TMC1: variants seen among roughly 807,000 people sequenced by gnomAD.
TMC1 encodes the protein transmembrane channel like 1.
A neutral mutation model predicts 105.8 loss-of-function variants in TMC1; 84 were observed. The ratio of observed to expected loss-of-function variants is 0.79; its 90% CI spans 0.67 to 0.95. The LOEUF (loss-of-function observed/expected upper bound fraction) is 0.95. Ranked by LOEUF, TMC1 falls within the 40% of genes least tolerant of loss-of-function variation. The pLI is 0.00. For missense variants in TMC1, 817 were observed against 914.1 expected, an observed-to-expected ratio of 0.89 and a Z score of 1.37; for synonymous variants, 315 against 311.5, an observed-to-expected ratio of 1.01 and a Z score of -0.12.
intron 2 of TMC1, among the ~76,000 whole-genome samples, chr9:72,592,605 G>T (rs960713035): frequency 9.9e-5 from 15 of 152,178 alleles, no homozygotes; most frequent in Admixed American, 5.9e-4. Context: ...AGGTGTGCGT[G>T]TTTCCTTCTG....
intron 20 of TMC1, among the ~76,000 whole-genome samples, chr9:72,821,292 G>A (rs1362125893): frequency 3.3e-5 from 5 of 151,992 alleles, no homozygotes; most frequent in South Asian, 4.2e-4. Flanking sequence ...TCAGGAGTTC[G>A]AGACAAGCCT....
chr9:72,672,297 GTGA>G (rs1564481678), intron 5 of TMC1, among the ~76,000 whole-genome samples: 1 of 90,158 alleles, frequency 1.1e-5, no homozygotes, highest in Non-Finnish European at 2.2e-5. Flanking sequence ...TAAAATTTGA[GTGA>G]TGTACAGACT....
chr9:72,753,286 CTTTT>C (rs5898269), intron 11 of TMC1, among the ~76,000 whole-genome samples: 2 of 81,826 alleles, frequency 2.4e-5, no homozygotes, highest in African/African-American at 5.3e-5. Context: ...TTAACCCCAG[CTTTT>C]TTTTTTTTTT....
chr9:72,695,335 A>T lies in TMC1; in HGVS notation c.236+621A>T, dbSNP rs1325616017. ...CAGGAAAACATTTTAGTAAACGCTG[A>T]CTTTGTGTAGAATAATGCATTAAAT... On this transcript the variant is annotated intron_variant, in intron 7 of 23. Transcript: ENST00000297784. Among the ~76,000 whole-genome samples the T allele has an allele frequency of 3.3e-5, 5 of 152,202 alleles. No individual in the cohort carries two copies. The East Asian group carries it at 9.6e-4, about 29-fold the overall frequency.
chr9:72,742,430 G>A lies in TMC1; in HGVS notation c.454-14G>A. Reference sequence around the variant, plus strand: ...GAGGTTGGACTTTACTTTTGTATTTGACTTTCTTTTCAGAAATGGGCAAAA... The same window carrying A: ...GAGGTTGGACTTTACTTTTGTATTTAACTTTCTTTTCAGAAATGGGCAAAA... On this transcript the variant is annotated splice_polypyrimidine_tract_variant and intron_variant, in intron 9 of 23. Coordinates refer to ENST00000297784, the MANE Select transcript of TMC1 (RefSeq NM_138691.3). 1 of 1,611,154 alleles carries A rather than the reference G, an allele frequency of 6.2e-7. No individual in the cohort carries two copies. Among genetic ancestry groups the A allele is most frequent in the Admixed American group, 1.7e-5 (1 of 60,004 alleles).
chr9:72,622,278 A>T (rs2132128265), intron 3 of TMC1, among the ~76,000 whole-genome samples: 1 of 152,290 alleles, frequency 6.6e-6, no homozygotes, highest in South Asian at 2.1e-4. Context: ...TCACTCCTGT[A>T]CACCAGCTTC....
chr9:72,787,867 G>A (rs1828195678), intron 13 of TMC1, among the ~76,000 whole-genome samples: 1 of 152,086 alleles, frequency 6.6e-6, no homozygotes, highest in African/African-American at 2.4e-5. Context: ...ATTTACATAG[G>A]AGTTTCTTTG....
rs1829152661 is a variant in TMC1 at position 72,838,016 on chromosome 9, TC to T, written c.*2045del. On this transcript the variant is annotated 3_prime_UTR_variant, in exon 24 of 24. Transcript: ENST00000297784. ...TTTGATGCATGGATTATCTTTCTTG[TC>T]CTTATTGTAAATTCTCTGTGAGCAG... is the stretch of plus-strand genomic sequence containing the variant. The T allele has an allele frequency of 6.6e-6, 1 of 152,248 alleles. No individual in the cohort carries two copies. The highest frequency in any genetic ancestry group is 1.9e-4 in the East Asian group (1 of 5,204). 9.4% of individuals were successfully genotyped at this position (152,248 alleles called of 1,614,324 possible). A position where few individuals can be genotyped will look rare whatever the true frequency, so the allele number is the denominator to read the frequency against.
In TMC1 at chr9:72,566,033, A is replaced by T. The variant is rs1824146604; in HGVS notation, c.-427-11869A>T. Among the ~76,000 whole-genome samples the T allele has an allele frequency of 2.0e-5, 3 of 152,146 alleles. No individual in the cohort carries two copies. In the South Asian group the frequency reaches 6.2e-4, roughly 32 times the overall value. ...TAGTGACTGATGGACCATCTATAAA[A>T]TAAACAAAAGAGAAGAGACAGGGTC... On this transcript the variant is annotated intron_variant, in intron 1 of 23. Transcript: ENST00000297784.
chr9:72,824,368 A>T (rs753595040), intron 20 of TMC1, among the ~76,000 whole-genome samples: 3 of 152,256 alleles, frequency 2.0e-5, no homozygotes, highest in Non-Finnish European at 4.4e-5. Flanking sequence ...CCAGTGTGAC[A>T]GTCTTTCCTG....
chr9:72,651,987 G>A (rs1032305935), intron 5 of TMC1, among the ~76,000 whole-genome samples: 7 of 152,078 alleles, frequency 4.6e-5, no homozygotes, highest in Admixed American at 2.6e-4. Flanking sequence ...GCTCCCAATT[G>A]TGAGTGAGAA....
At chr9:72,551,975 T>A (rs572902504) in intron 1 of TMC1, among the ~76,000 whole-genome samples, 1 of 152,000 alleles carries the variant, frequency 6.6e-6, no homozygotes, top group South Asian at 2.1e-4. Flanking sequence ...TCTCAGAGAG[T>A]ATGGCCCTGC....
chr9:72,723,291 A>G (rs1827061513), intron 8 of TMC1, among the ~76,000 whole-genome samples: 1 of 152,068 alleles, frequency 6.6e-6, no homozygotes, highest in Non-Finnish European at 1.5e-5. Flanking sequence ...TTTTTCTTTC[A>G]TCTTCTCCTC....
Position 72,530,590 on chromosome 9 carries a change from A to T in TMC1, c.-428+8677A>T, listed in dbSNP as rs1587940384. On this transcript the variant is annotated intron_variant, in intron 1 of 23. Transcript: ENST00000297784. ...GGTGACAGAGCAAGACTCCATCTTA[A>T]AAAAAAAAAAACCTTCTCAAGGTAT... Among the ~76,000 whole-genome samples the T allele has an allele frequency of 4.0e-5, 6 of 149,550 alleles. 1 individual carries two copies. The South Asian group carries it at 1.3e-3, about 32-fold the overall frequency.
intron 7 of TMC1, 36 bp downstream of exon 7, chr9:72,694,750 T>C (rs1351256196): frequency 1.3e-6 from 2 of 1,576,190 alleles, no homozygotes; most frequent in East Asian, 2.3e-5. Flanking sequence ...AAAGTTCCAA[T>C]GCTGAAGAAG....
At chr9:72,669,520 C>T (rs1485039558) in intron 5 of TMC1, among the ~76,000 whole-genome samples, 1 of 152,056 alleles carries the variant, frequency 6.6e-6, no homozygotes, top group East Asian at 1.9e-4. Context: ...TTTTGTATGA[C>T]ATCTATCATA....
chr9:72,543,057 T>A (rs528768395), intron 1 of TMC1, among the ~76,000 whole-genome samples: 68 of 152,198 alleles, frequency 4.5e-4, no homozygotes, highest in African/African-American at 1.3e-3. Context: ...TAATTTTTTT[T>A]AAAAAAAGAA....
At chr9:72,692,333 G>A (rs760310142) in intron 6 of TMC1, among the ~76,000 whole-genome samples, 1 of 152,112 alleles carries the variant, frequency 6.6e-6, no homozygotes, top group Non-Finnish European at 1.5e-5. Flanking sequence ...GTATGGTATT[G>A]TGTTAGCAGA....
At chr9:72,588,711 G>A (rs951780874) in intron 2 of TMC1, among the ~76,000 whole-genome samples, 9 of 152,088 alleles carry the variant, frequency 5.9e-5, no homozygotes, top group African/African-American at 1.7e-4. Flanking sequence ...ATAGCAGGAA[G>A]GTCAAAGAAT....
Sources: allele counts gnomAD v4.1 joint callset (sites outside exome capture counted in the v4.1 genomes callset), GRCh38; gene constraint gnomAD v4.1.1; transcripts MANE v1.5; gene names NCBI Gene and HGNC (gene_info 2026-07-23, HGNC 2026-07-21).